MRFAP1: variants seen among roughly 807,000 people sequenced by gnomAD.
MRFAP1 encodes MORF4 family-associated protein 1.
In MRFAP1, 1 loss-of-function variant was observed where a neutral mutation model predicts 9.3. The ratio of observed to expected loss-of-function variants is 0.11; its 90% CI spans 0.04 to 0.51. The LOEUF is 0.51. Among genes scored for constraint, MRFAP1 ranks in the 20% least tolerant of loss-of-function variants. The probability of loss-of-function intolerance (pLI) is 0.94; values close to 1 mark genes in which losing one functional copy is unlikely to be tolerated. For synonymous variants in MRFAP1, 101 were observed against 80.3 expected (o/e 1.26, Z -1.38); for missense variants, 180 against 178.6 (o/e 1.01, Z -0.04).
In MRFAP1 at chr4:6,640,984, C is replaced by A. The variant is rs1029150677; in HGVS notation, c.122C>A (p.Ser41Ter). Residue 41 changes from serine (S) to a stop codon, truncating the protein, a stop_gained, in exon 1 of 2, where the codon TCG becomes TAG. Transcript: ENST00000382581. LOFTEE classifies it high-confidence loss of function. ...AACGAGATGCGCGAGGACATCGCGT[C>A]GCTGACGCGCGAGCACGGGCGGGCG... ...VINEMREDIA[S>*]LTREHGRAYL... 1.2e-6 allele frequency: 2 copies of A among 1,614,084 alleles called. No homozygotes were observed. The highest frequency in any genetic ancestry group is 3.3e-5 in the Admixed American group (2 of 60,026).
In MRFAP1 at chr4:6,640,868, G is replaced by T; in HGVS notation, c.6G>T (p.Arg2=). 5 of 1,607,078 alleles carry T rather than the reference G, an allele frequency of 3.1e-6. No individual in the cohort carries two copies. Among genetic ancestry groups the T allele is most frequent in the Non-Finnish European group, 4.3e-6 (5 of 1,175,214 alleles). The change falls in exon 1 of 2, where the codon CGG becomes CGT. Residue 2 remains arginine, a synonymous_variant. Coordinates refer to ENST00000382581, the MANE Select transcript of MRFAP1 (RefSeq NM_033296.3). M[R]PLDIVELAEP... is the part of the protein sequence containing the mutation. Reference sequence around the variant, plus strand: ...TTCCGAGGCAGTGGGAAGAGATGCGGCCCCTGGACATCGTCGAGCTGGCGG... The same window carrying T: ...TTCCGAGGCAGTGGGAAGAGATGCGTCCCCTGGACATCGTCGAGCTGGCGG...
Position 6,641,123 on chromosome 4 carries a change from C to T in MRFAP1, c.261C>T (p.Asp87=), listed in dbSNP as rs200255531. The change falls in exon 1 of 2, where the codon GAC becomes GAT. Residue 87 remains aspartate (D), a synonymous_variant. Transcript: ENST00000382581. The part of the protein sequence containing the change: ...SALNHLQNPG[D]AAEGRAAKRC... The stretch of plus-strand genomic sequence containing the variant: ...TCAACCACCTCCAGAACCCGGGCGA[C>T]GCGGCCGAGGGCCGGGCGGCCAAGA... 1.4e-4 allele frequency: 218 copies of T among 1,614,198 alleles called. No individual in the cohort carries two copies. In the East Asian group the frequency reaches 4.4e-3, roughly 32 times the overall value.
chr4:6,641,213 G>A lies in MRFAP1; in HGVS notation c.351G>A (p.Leu117=), dbSNP rs3207079. The A allele has an allele frequency of 1.2e-6, 2 of 1,602,594 alleles. No individual in the cohort carries two copies. The highest frequency in any genetic ancestry group is 1.7e-6 in the Non-Finnish European group (2 of 1,172,096). Reference sequence around the variant, plus strand: ...AGATGGCAGAGATGCTGGTGGAGCTGGTCCGGCGGATAGAGAAGAGCGAGT... The same window carrying A: ...AGATGGCAGAGATGCTGGTGGAGCTAGTCCGGCGGATAGAGAAGAGCGAGT... ...IAKMAEMLVE[L]VRRIEKSESS The change falls in exon 1 of 2, where the codon CTG becomes CTA. Residue 117 remains leucine, a synonymous_variant. Transcript: ENST00000382581.
intron 1 of MRFAP1, 23 bp downstream of exon 1, chr4:6,641,281 G>C (rs981177239): frequency 6.5e-7 from 1 of 1,532,102 alleles, no homozygotes; most frequent in Non-Finnish European, 8.8e-7. Context: ...CCCGCGCCAG[G>C]CCGAGGAGCG....
At chr4:6,641,397 C>T in intron 1 of MRFAP1, 139 bp downstream of exon 1, 3 of 1,104,680 alleles carry the variant, frequency 2.7e-6, no homozygotes, top group Non-Finnish European at 3.7e-6. Context: ...CCGATCTGGG[C>T]CCCGTCTTCG....
Position 6,641,176 on chromosome 4 carries a change from A to G in MRFAP1, c.314A>G (p.Lys105Arg), listed in dbSNP as rs776194851. Residue 105 changes from lysine (K) to arginine (R), a missense_variant, in exon 1 of 2, where the codon AAG (lysine) becomes AGG (arginine). Coordinates refer to ENST00000382581, the MANE Select transcript of MRFAP1 (RefSeq NM_033296.3). ...TGCGAGAAGGCCGAGGAGAAGGCCA[A>G]GGAGATTGCGAAGATGGCAGAGATG... ...KRCEKAEEKA[K>R]EIAKMAEMLV... 5.0e-6 allele frequency: 8 copies of G among 1,613,194 alleles called. No homozygotes were observed. In the Admixed American group the frequency reaches 5.0e-5, roughly 10 times the overall value.
chr4:6,641,037 G>C lies in MRFAP1; in HGVS notation c.175G>C (p.Glu59Gln), dbSNP rs1479925763. 6.2e-7 allele frequency: 1 copy of C among 1,614,240 alleles called. No homozygotes were observed. The highest frequency in any genetic ancestry group is 1.1e-5 in the South Asian group (1 of 91,082). Residue 59 changes from glutamate (E) to glutamine (Q), a missense_variant, in exon 1 of 2, where the codon GAG becomes CAG. Coordinates refer to ENST00000382581, the MANE Select transcript of MRFAP1 (RefSeq NM_033296.3). ...AYLRNRSKLW[E>Q]MDNMLIQIKT... is the part of the protein sequence containing the mutation. ...CCTGCGGAACCGGAGCAAGCTGTGGGAGATGGACAATATGCTCATCCAGAT... is the reference window on the plus strand; with the variant it reads ...CCTGCGGAACCGGAGCAAGCTGTGGCAGATGGACAATATGCTCATCCAGAT...
In MRFAP1 at chr4:6,640,727, G is replaced by T; in HGVS notation, c.-136G>T. 11 of 1,180,532 alleles carry T rather than the reference G, an allele frequency of 9.3e-6. No homozygotes were observed. Among genetic ancestry groups the T allele is most frequent in the East Asian group, 2.4e-5 (1 of 42,078 alleles). 73.1% of individuals were successfully genotyped at this position (1,180,532 alleles called of 1,614,324 possible). On this transcript the variant is annotated 5_prime_UTR_variant, in exon 1 of 2. Coordinates refer to ENST00000382581, the MANE Select transcript of MRFAP1 (RefSeq NM_033296.3). ...TCTGCGCGTAAGTCGCTTGTCCGTG[G>T]CTTCTCTGAGAAGAAAAGTTGAAAA...
intron 1 of MRFAP1, 134 bp downstream of exon 1, chr4:6,641,392 C>T (rs1287947122): frequency 8.6e-5 from 98 of 1,133,580 alleles, no homozygotes; most frequent in Non-Finnish European, 1.2e-4. Context: ...CAGGGCCGAT[C>T]TGGGCCCCGT....
chr4:6,641,406 C>A (rs1313045817), intron 1 of MRFAP1, 148 bp downstream of exon 1: 3 of 1,049,554 alleles, frequency 2.9e-6, no homozygotes, highest in Non-Finnish European at 4.0e-6. Flanking sequence ...GCCCCGTCTT[C>A]GTGTTTTGTT....
intron 1 of MRFAP1, 80 bp downstream of exon 1, chr4:6,641,338 A>G (rs1439947320): frequency 2.7e-6 from 4 of 1,492,110 alleles, no homozygotes; most frequent in Non-Finnish European, 3.6e-6. Flanking sequence ...ATCGAGATGC[A>G]CCGGAATCGG....
At position 6,642,100 on chromosome 4, in the gene MRFAP1, G is replaced by A. The variant is rs1294151009; in HGVS notation, c.*383G>A. The A allele has an allele frequency of 6.6e-6, 1 of 152,632 alleles. No homozygotes were observed. Among genetic ancestry groups the A allele is most frequent in the Non-Finnish European group, 1.5e-5 (1 of 68,044 alleles). The allele number at this position is 152,632 out of a possible 1,614,324, so 9.5% of individuals were successfully genotyped here. On this transcript the variant is annotated 3_prime_UTR_variant, in exon 2 of 2. Coordinates refer to ENST00000382581, the MANE Select transcript of MRFAP1 (RefSeq NM_033296.3). ...CTTTGGGTCTGTGTGTGACACATGA[G>A]ACTCACAGTTGGAGTTCTCCAGCTC... is the stretch of plus-strand genomic sequence containing the variant.
rs751330348 is a variant in MRFAP1, at chr4:6,641,885, A to G, written c.*168A>G. 3 of 152,702 alleles carry G rather than the reference A, an allele frequency of 2.0e-5. No individual in the cohort carries two copies. The highest frequency in any genetic ancestry group is 7.2e-5 in the African/African-American group (3 of 41,460). The allele number at this position is 152,702 out of a possible 1,614,324, so 9.5% of individuals were successfully genotyped here. ...CTATGGTCTGTGGTTGATGACCTCA[A>G]TATGAGTTTCGATTGTTAACGTGTT... On this transcript the variant is annotated 3_prime_UTR_variant, in exon 2 of 2. Transcript: ENST00000382581.
In MRFAP1 at chr4:6,640,985, G is replaced by T. The variant is rs747210915; in HGVS notation, c.123G>T (p.Ser41=). The change falls in exon 1 of 2, where the codon TCG becomes TCT. Residue 41 remains serine, a synonymous_variant. Transcript: ENST00000382581. ...ACGAGATGCGCGAGGACATCGCGTC[G>T]CTGACGCGCGAGCACGGGCGGGCGT... ...VINEMREDIA[S]LTREHGRAYL... is the part of the protein sequence containing the mutation. The T allele has an allele frequency of 1.1e-5, 18 of 1,614,200 alleles. No homozygotes were observed. The South Asian group carries it at 1.6e-4, about 15-fold the overall frequency.
chr4:6,640,946 G>A lies in MRFAP1; in HGVS notation c.84G>A (p.Leu28=). The A allele has an allele frequency of 6.2e-7, 1 of 1,614,154 alleles. No homozygotes were observed. The highest frequency in any genetic ancestry group is 8.5e-7 in the Non-Finnish European group (1 of 1,179,998). ...CCGAGGAGGATTTCGAGCAGTTTCT[G>A]CTCCCGGTCATCAACGAGATGCGCG... The part of the protein sequence containing the change: ...LEPEEDFEQF[L]LPVINEMRED... The change falls in exon 1 of 2, where the codon CTG becomes CTA. Residue 28 remains leucine, a synonymous_variant. Coordinates refer to ENST00000382581, the MANE Select transcript of MRFAP1 (RefSeq NM_033296.3).
rs1712879163 is a variant in MRFAP1 at position 6,642,512 on chromosome 4, G to T, written c.*795G>T. On this transcript the variant is annotated 3_prime_UTR_variant, in exon 2 of 2. Transcript: ENST00000382581. ...TTAGAGGACTTGGCATAAAATGAAAGATTGGCAAAGGCCCTTGAGGGGCTT... is the reference window on the plus strand; with the variant it reads ...TTAGAGGACTTGGCATAAAATGAAATATTGGCAAAGGCCCTTGAGGGGCTT... 2 of 152,670 alleles carry T rather than the reference G, an allele frequency of 1.3e-5. No individual in the cohort carries two copies. Among genetic ancestry groups the T allele is most frequent in the Non-Finnish European group, 2.9e-5 (2 of 68,048 alleles). The allele number at this position is 152,670 out of a possible 1,614,324, so 9.5% of individuals were successfully genotyped here. A position where few individuals can be genotyped will look rare whatever the true frequency, so the allele number is the denominator to read the frequency against.
At position 6,641,487 on chromosome 4, in the gene MRFAP1, C is replaced by A. The variant is rs376331926; in HGVS notation, c.*12+229C>A. 705 of 494,270 alleles carry A rather than the reference C, an allele frequency of 1.4e-3. 6 individuals carry two copies. Among genetic ancestry groups the A allele is most frequent in the African/African-American group, 0.011 (579 of 50,822 alleles). The allele number at this position is 494,270 out of a possible 1,614,324, so 30.6% of individuals were successfully genotyped here. On this transcript the variant is annotated intron_variant, in intron 1 of 1. Coordinates refer to ENST00000382581, the MANE Select transcript of MRFAP1 (RefSeq NM_033296.3). ...CGTGATGCGTGTTCAGTGGAAGGGT[C>A]ATAAATCTCAGAGTCGCCAAGGAAA...
rs1712798518 is a variant in MRFAP1 at position 6,641,017 on chromosome 4, G to A, written c.155G>A (p.Arg52Gln). Residue 52 changes from arginine to glutamine, a missense_variant, in exon 1 of 2, where the codon CGG becomes CAG. Coordinates refer to ENST00000382581, the MANE Select transcript of MRFAP1 (RefSeq NM_033296.3). ...CGCGAGCACGGGCGGGCGTACCTGC[G>A]GAACCGGAGCAAGCTGTGGGAGATG... ...LTREHGRAYLRNRSKLWEMDN... is the reference protein window; with the variant it reads ...LTREHGRAYLQNRSKLWEMDN... 2 of 1,614,252 alleles carry A rather than the reference G, an allele frequency of 1.2e-6. No individual in the cohort carries two copies. Among genetic ancestry groups the A allele is most frequent in the Admixed American group, 1.7e-5 (1 of 60,036 alleles).
At position 6,641,011 on chromosome 4, in the gene MRFAP1, A is replaced by T. The variant is rs1372504794; in HGVS notation, c.149A>T (p.Tyr50Phe). The T allele has an allele frequency of 6.2e-7, 1 of 1,614,218 alleles. No homozygotes were observed. Reference protein sequence around the residue: ...ASLTREHGRAYLRNRSKLWEM... With the variant: ...ASLTREHGRAFLRNRSKLWEM... Reference sequence around the variant, plus strand: ...CTGACGCGCGAGCACGGGCGGGCGTACCTGCGGAACCGGAGCAAGCTGTGG... The same window carrying T: ...CTGACGCGCGAGCACGGGCGGGCGTTCCTGCGGAACCGGAGCAAGCTGTGG... Residue 50 changes from tyrosine to phenylalanine, a missense_variant, in exon 1 of 2, where the codon TAC (tyrosine) becomes TTC (phenylalanine). Physicochemically the swap from Tyr to Phe is conservative, Grantham distance 22. Transcript: ENST00000382581.
Sources: gnomAD v4.1 joint callset for allele counts on GRCh38, gnomAD v4.1.1 for gene constraint, MANE v1.5 for transcripts, NCBI Gene and HGNC (gene_info 2026-07-23, HGNC 2026-07-21) for gene names.